The following KCNIP4 variants were observed in gnomAD, a reference collection of about 807,000 sequenced individuals.
KCNIP4 encodes the protein potassium voltage-gated channel interacting protein 4, also known as Kv channel-interacting protein 4.
A neutral mutation model predicts 34.0 loss-of-function variants in KCNIP4; 12 were observed. The ratio of observed to expected loss-of-function variants is 0.35; its 90% CI spans 0.23 to 0.57. The LOEUF is 0.57. Among genes scored for constraint, KCNIP4 ranks in the 20% least tolerant of loss-of-function variants. The pLI is 0.83. For missense variants in KCNIP4, 238 were observed against 311.7 expected (o/e 0.76, Z 1.78); for synonymous variants, 124 against 102.2 (o/e 1.21, Z -1.29).
At chr4:20,841,603 C>T (rs1466398509) in intron 3 of KCNIP4, among the ~76,000 whole-genome samples, 1 of 152,072 alleles carries the variant, frequency 6.6e-6, no homozygotes, top group African/African-American at 2.4e-5. Context: ...CCCATCATTT[C>T]TCTCCTTCTC....
At chr4:21,231,749 T>C (rs2109022009) in intron 1 of KCNIP4, among the ~76,000 whole-genome samples, 1 of 152,264 alleles carries the variant, frequency 6.6e-6, no homozygotes, top group African/African-American at 2.4e-5. Context: ...ATTCATTTCA[T>C]TTGATAAAGA....
At chr4:20,884,419 C>T (rs963827329) in intron 1 of KCNIP4, among the ~76,000 whole-genome samples, 1 of 149,640 alleles carries the variant, frequency 6.7e-6, no homozygotes, top group African/African-American at 2.5e-5. Flanking sequence ...CCCTGACAGA[C>T]CCCCGTGTGT....
At chr4:21,832,529 C>T (rs1038152106) in intron 1 of KCNIP4, among the ~76,000 whole-genome samples, 1 of 152,046 alleles carries the variant, frequency 6.6e-6, no homozygotes. Flanking sequence ...GAAACCCACT[C>T]TCAATCCAAA....
At chr4:21,290,188 T>G (rs2109200947) in intron 1 of KCNIP4, among the ~76,000 whole-genome samples, 1 of 152,238 alleles carries the variant, frequency 6.6e-6, no homozygotes, top group Non-Finnish European at 1.5e-5. Flanking sequence ...AAATCTGGCA[T>G]TAGCACCAAG....
intron 1 of KCNIP4, among the ~76,000 whole-genome samples, chr4:21,114,467 G>A (rs1298610306): frequency 1.3e-5 from 2 of 151,862 alleles, no homozygotes; most frequent in Non-Finnish European, 2.9e-5. Flanking sequence ...TTTCTTAAAA[G>A]TGAAGTAAGA....
At chr4:21,434,400 A>T (rs1348295161) in intron 1 of KCNIP4, among the ~76,000 whole-genome samples, 1 of 152,172 alleles carries the variant, frequency 6.6e-6, no homozygotes, top group Admixed American at 6.5e-5. Flanking sequence ...AATTAATAGT[A>T]AGGTTTTAGA....
chr4:21,565,543 AG>A (rs1739811703), intron 1 of KCNIP4, among the ~76,000 whole-genome samples: 1 of 152,156 alleles, frequency 6.6e-6, no homozygotes, highest in Non-Finnish European at 1.5e-5. Context: ...CCTGGCATAT[AG>A]GTACATTGAA....
Position 21,328,384 on chromosome 4 carries a change from G to C in KCNIP4, c.62-445675C>G, listed in dbSNP as rs182040022. ...GAATTCTCTGGATTACCAGGCAGAGGCTCTTCTTCTCTTCCCTCAACTTTC... is the reference window on the plus strand; with the variant it reads ...GAATTCTCTGGATTACCAGGCAGAGCCTCTTCTTCTCTTCCCTCAACTTTC... On this transcript the variant is annotated intron_variant, in intron 1 of 8. Coordinates refer to ENST00000382152, the MANE Select transcript of KCNIP4 (RefSeq NM_025221.6). 1.7e-4 allele frequency among the ~76,000 whole-genome samples: 26 copies of C among 152,264 alleles called. No individual in the cohort carries two copies. In the East Asian group the frequency reaches 5.0e-3, roughly 29 times the overall value.
At chr4:21,554,708 G>A (rs1208218681) in intron 1 of KCNIP4, among the ~76,000 whole-genome samples, 1 of 151,996 alleles carries the variant, frequency 6.6e-6, no homozygotes, top group Non-Finnish European at 1.5e-5. Flanking sequence ...CCCCAGATAA[G>A]GTCACTCACA....
At chr4:21,636,540 A>G (rs1746180188) in intron 1 of KCNIP4, among the ~76,000 whole-genome samples, 1 of 152,126 alleles carries the variant, frequency 6.6e-6, no homozygotes, top group African/African-American at 2.4e-5. Context: ...CCTGGTGTGG[A>G]GGCCACATTT....
At chr4:21,071,897 G>GT (rs1482618286) in intron 1 of KCNIP4, among the ~76,000 whole-genome samples, 3 of 152,090 alleles carry the variant, frequency 2.0e-5, no homozygotes, top group East Asian at 3.9e-4. Context: ...GTGGTGTTTG[G>GT]TTTTTTGTCC....
intron 1 of KCNIP4, among the ~76,000 whole-genome samples, chr4:21,541,558 C>A (rs1259989351): frequency 6.6e-6 from 1 of 152,166 alleles, no homozygotes; most frequent in African/African-American, 2.4e-5. Flanking sequence ...AGGCTTCAGA[C>A]CCCTCCACTG....
chr4:21,296,203 ATCAGAACCAGT>A lies in KCNIP4; in HGVS notation c.62-413505_62-413495del, dbSNP rs146120337. Among the ~76,000 whole-genome samples, 346 of 152,250 alleles carry A rather than the reference ATCAGAACCAGT, an allele frequency of 2.3e-3. 2 individuals carry two copies. Among genetic ancestry groups the A allele is most frequent in the African/African-American group, 7.8e-3 (325 of 41,558 alleles). The stretch of plus-strand genomic sequence containing the variant: ...TCTTTGATTTTGGTAACAAGTCACC[ATCAGAACCAGT>A]TTTAAACTCAACCCAATCAATCAAT... On this transcript the variant is annotated intron_variant, in intron 1 of 8. Coordinates refer to ENST00000382152, the MANE Select transcript of KCNIP4 (RefSeq NM_025221.6).
At chr4:21,754,637 C>T (rs1003689067) in intron 1 of KCNIP4, among the ~76,000 whole-genome samples, 3 of 152,162 alleles carry the variant, frequency 2.0e-5, no homozygotes, top group Admixed American at 6.5e-5. Flanking sequence ...TTGATCATTA[C>T]TCTAAATTGT....
chr4:21,000,924 C>T (rs936695582), intron 1 of KCNIP4, among the ~76,000 whole-genome samples: 1 of 152,132 alleles, frequency 6.6e-6, no homozygotes, highest in African/African-American at 2.4e-5. Context: ...TGCTTCCACT[C>T]CCAATTCTTC....
chr4:21,060,134 G>A (rs1560685780), intron 1 of KCNIP4, among the ~76,000 whole-genome samples: 1 of 151,910 alleles, frequency 6.6e-6, no homozygotes, highest in Non-Finnish European at 1.5e-5. Flanking sequence ...GTTCTTTTCT[G>A]GTATTAGAGG....
intron 1 of KCNIP4, among the ~76,000 whole-genome samples, chr4:21,031,613 A>C (rs1414551570): frequency 2.0e-5 from 3 of 152,180 alleles, no homozygotes; most frequent in Non-Finnish European, 4.4e-5. Context: ...ACATGCAAAG[A>C]AGGCTTCTCT....
intron 1 of KCNIP4, among the ~76,000 whole-genome samples, chr4:21,152,142 A>G (rs1752803914): frequency 6.6e-6 from 1 of 152,076 alleles, no homozygotes; most frequent in Admixed American, 6.5e-5. Flanking sequence ...AATCCCAGCT[A>G]CTTGGGAGGC....
At chr4:21,854,992 A>C (rs1040037) in intron 1 of KCNIP4, among the ~76,000 whole-genome samples, 152,322 of 152,348 alleles carry the variant, frequency 1, 76,148 homozygotes, top group Middle Eastern at 1. Flanking sequence ...ATGGCTGTTG[A>C]TTTTCATTCC....
Sources: allele counts gnomAD v4.1 joint callset (sites outside exome capture counted in the v4.1 genomes callset), GRCh38; gene constraint gnomAD v4.1.1; transcripts MANE v1.5; gene names NCBI Gene and HGNC (gene_info 2026-07-23, HGNC 2026-07-21).